Variants in DNMT3B observed in about 807,000 individuals in gnomAD.
DNMT3B encodes the protein DNA (cytosine-5)-methyltransferase 3B.
In DNMT3B, 37 loss-of-function variants were observed where a neutral mutation model predicts 120.2. The ratio of observed to expected loss-of-function variants is 0.31; its 90% CI spans 0.24 to 0.40. The LOEUF is 0.40. DNMT3B is among the 10% of genes least tolerant of loss of function. The pLI, the probability that DNMT3B is intolerant of heterozygous loss-of-function variation, is 1.00. For synonymous variants in DNMT3B, 412 were observed against 442.8 expected (o/e 0.93, Z 0.87); for missense variants, 878 against 1,137.3 (o/e 0.77, Z 3.28).
At chr20:32,777,470 C>A (rs1293137549) in intron 1 of DNMT3B, among the ~76,000 whole-genome samples, 2 of 152,144 alleles carry the variant, frequency 1.3e-5, no homozygotes, top group African/African-American at 4.8e-5. Context: ...ACCCAGCACA[C>A]ATTAGAACCC....
In DNMT3B at chr20:32,767,080, TG is replaced by T. The variant is rs538715832; in HGVS notation, c.-7+4385del. 3.0e-3 allele frequency among the ~76,000 whole-genome samples: 459 copies of T among 151,912 alleles called. 3 individuals are homozygous for T. The highest frequency in any genetic ancestry group is 0.01 in the African/African-American group (432 of 41,448). ...TAATTCTGTATTTTTTTAGTAGAGATGGGGTTTCTCCATGTTGGTCAGGCTG... is the reference window on the plus strand; with the variant it reads ...TAATTCTGTATTTTTTTAGTAGAGATGGGTTTCTCCATGTTGGTCAGGCTG... On this transcript the variant is annotated intron_variant, in intron 1 of 22. Transcript: ENST00000328111.
chr20:32,802,946 T>C (rs184380736), intron 20 of DNMT3B, among the ~76,000 whole-genome samples: 6 of 152,262 alleles, frequency 3.9e-5, no homozygotes, highest in African/African-American at 1.2e-4. Flanking sequence ...GCCCTTCACC[T>C]CTCCTCCCCG....
intron 1 of DNMT3B, among the ~76,000 whole-genome samples, chr20:32,766,922 C>T (rs1987402676): frequency 1.3e-5 from 2 of 150,574 alleles, no homozygotes; most frequent in South Asian, 4.2e-4. Flanking sequence ...TGGAGTTTCG[C>T]TCTTGTCGCC....
Position 32,799,312 on chromosome 20 carries a change from T to C in DNMT3B, c.1743T>C (p.Phe581=). Residue 581 remains phenylalanine, a synonymous_variant, in exon 16 of 23, where the codon TTT becomes TTC. Coordinates refer to ENST00000328111, the MANE Select transcript of DNMT3B (RefSeq NM_006892.4). ...RRRPIRVLSL[F]DGIATGYLVL... is the part of the protein sequence containing the mutation. ...GGCCCATTCGAGTCCTGTCATTGTT[T>C]GATGGCATCGCGACAGGTGAGTTCG... 3 of 1,613,270 alleles carry C rather than the reference T, an allele frequency of 1.9e-6. No individual in the cohort carries two copies. The highest frequency in any genetic ancestry group is 2.5e-6 in the Non-Finnish European group (3 of 1,179,694).
intron 3 of DNMT3B, among the ~76,000 whole-genome samples, chr20:32,784,387 T>C (rs1282377158): frequency 1.3e-5 from 2 of 152,220 alleles, no homozygotes; most frequent in Non-Finnish European, 2.9e-5. Flanking sequence ...AGTACTGTTA[T>C]TCCAATTTTA....
chr20:32,784,790 G>T lies in DNMT3B; in HGVS notation c.237G>T (p.Gly79=). 6.2e-7 allele frequency: 1 copy of T among 1,614,068 alleles called. No individual in the cohort carries two copies. The highest frequency in any genetic ancestry group is 8.5e-7 in the Non-Finnish European group (1 of 1,180,012). ...DLTGDGDGED[G]DGSDTPVMPK... ...CAGGCGATGGCGACGGGGAAGATGG[G>T]GATGGCTCTGACACCCCAGTCATGC... The change falls in exon 4 of 23, where the codon GGG becomes GGT. Residue 79 remains glycine, a synonymous_variant. Coordinates refer to ENST00000328111, the MANE Select transcript of DNMT3B (RefSeq NM_006892.4).
chr20:32,795,830 G>A, intron 12 of DNMT3B, 136 bp downstream of exon 12: 1 of 1,130,934 alleles, frequency 8.8e-7, no homozygotes, highest in Non-Finnish European at 1.3e-6. Context: ...GCCTATTTCT[G>A]GACCCTGCAT....
intron 3 of DNMT3B, among the ~76,000 whole-genome samples, chr20:32,783,912 ATTT>A (rs3080495): frequency 1.5e-5 from 2 of 134,294 alleles, no homozygotes; most frequent in Non-Finnish European, 1.6e-5. Flanking sequence ...TTGTATTTGT[ATTT>A]TTTTTTTTTT....
Position 32,800,817 on chromosome 20 carries a change from T to A in DNMT3B, c.1906-18T>A, listed in dbSNP as rs778418438. On this transcript the variant is annotated intron_variant, in intron 17 of 22. Transcript: ENST00000328111. ...CCTCTGTCCACACCCTCATCCTGAC[T>A]CTGTCTCTCTCTTTCAGATTGAAGA... The A allele has an allele frequency of 6.2e-7, 1 of 1,613,414 alleles. No individual in the cohort carries two copies. The highest frequency in any genetic ancestry group is 1.1e-5 in the South Asian group (1 of 91,064).
chr20:32,766,574 C>T (rs1347432766), intron 1 of DNMT3B, among the ~76,000 whole-genome samples: 1 of 152,034 alleles, frequency 6.6e-6, no homozygotes, highest in East Asian at 1.9e-4. Flanking sequence ...ATGACCTCTG[C>T]TCTAGTTTAT....
chr20:32,804,396 G>A (rs914914311), intron 20 of DNMT3B, among the ~76,000 whole-genome samples: 5 of 152,168 alleles, frequency 3.3e-5, no homozygotes, highest in Admixed American at 3.3e-4. Flanking sequence ...TTTGAAGCCT[G>A]GCAGGTGAGG....
At chr20:32,770,756 G>A (rs1474324908) in intron 1 of DNMT3B, among the ~76,000 whole-genome samples, 1 of 152,098 alleles carries the variant, frequency 6.6e-6, no homozygotes, top group Non-Finnish European at 1.5e-5. Flanking sequence ...GGGATTACAG[G>A]CATGTGCCAC....
At position 32,784,851 on chromosome 20, in the gene DNMT3B, A is replaced by T; in HGVS notation, c.298A>T (p.Ser100Cys). 1 of 1,614,138 alleles carries T rather than the reference A, an allele frequency of 6.2e-7. No individual in the cohort carries two copies. The highest frequency in any genetic ancestry group is 8.5e-7 in the Non-Finnish European group (1 of 1,180,024). ...LFRETRTRSE[S>C]PAVRTRNNNS... The stretch of plus-strand genomic sequence containing the variant: ...CCGGGAAACCAGGACTCGTTCAGAA[A>T]GCCCAGCTGTAAGTAGCCACACCTC... The change falls in exon 4 of 23, where the codon AGC (serine) becomes TGC (cysteine). Residue 100 changes from serine (S) to cysteine (C), a missense_variant. Physicochemically the swap from Ser to Cys is moderately radical, Grantham distance 112 (BLOSUM62 -1). This residue lies in a region of DNMT3B where 287 missense variants were observed against 306.2 expected (regional missense o/e 0.94). Transcript: ENST00000328111.
intron 1 of DNMT3B, among the ~76,000 whole-genome samples, chr20:32,770,123 T>A (rs1047738030): frequency 2.0e-5 from 3 of 151,088 alleles, no homozygotes; most frequent in East Asian, 1.9e-4. Context: ...TAAAAAAAAA[T>A]TATTTTTGAG....
intron 10 of DNMT3B, among the ~76,000 whole-genome samples, chr20:32,794,657 C>A (rs1980399073): frequency 6.6e-6 from 1 of 152,142 alleles, no homozygotes; most frequent in African/African-American, 2.4e-5. Context: ...AAGAAAGGAA[C>A]AGGTGAAATT....
At chr20:32,768,245 G>T (rs1163363950) in intron 1 of DNMT3B, among the ~76,000 whole-genome samples, 1 of 150,066 alleles carries the variant, frequency 6.7e-6, no homozygotes, top group African/African-American at 2.5e-5. Flanking sequence ...GCCCAGGCTG[G>T]AGTGCAATGG....
rs1987021523 is a variant in DNMT3B at position 32,762,514 on chromosome 20, C to A, written c.-192C>A. ...CGGGACCGGCTCCCTGGCGGTCGGG[C>A]GAGCGGGCGGCAACGCTGCCCGGCC... On this transcript the variant is annotated 5_prime_UTR_variant, in exon 1 of 23. Transcript: ENST00000328111. 3.4e-6 allele frequency: 1 copy of A among 297,504 alleles called. No homozygotes were observed. The highest frequency in any genetic ancestry group is 2.6e-5 in the South Asian group (1 of 37,940). 18.4% of individuals were successfully genotyped at this position (297,504 alleles called of 1,614,324 possible). A position where few individuals can be genotyped will look rare whatever the true frequency, so the allele number is the denominator to read the frequency against.
At chr20:32,781,281 C>G in intron 2 of DNMT3B, 72 bp from the exon 3 acceptor site, 1 of 1,546,550 alleles carries the variant, frequency 6.5e-7, no homozygotes. Flanking sequence ...GAGAAAAGCC[C>G]CTATTAGCAA....
At chr20:32,784,887 A>C in intron 4 of DNMT3B, 28 bp downstream of exon 4, 2 of 1,611,158 alleles carry the variant, frequency 1.2e-6, no homozygotes, top group Non-Finnish European at 1.7e-6. Flanking sequence ...GAGCCAAAGC[A>C]CTTGTGGCCA....
Sources: allele counts gnomAD v4.1 joint callset (sites outside exome capture counted in the v4.1 genomes callset), GRCh38; gene constraint gnomAD v4.1.1; regional missense constraint gnomAD v4.1.1; transcripts MANE v1.5; gene names NCBI Gene and HGNC (gene_info 2026-07-23, HGNC 2026-07-21).